Variants in MAPK10 observed in about 807,000 individuals in gnomAD.
The protein encoded by MAPK10 is JNK3 alpha protein kinase.
In MAPK10, 25 loss-of-function variants were observed where a neutral mutation model predicts 59.3. The observed-to-expected ratio is 0.42, with a 90% CI of 0.31 to 0.59. The LOEUF (loss-of-function observed/expected upper bound fraction) is 0.59. Ranked by LOEUF, MAPK10 falls within the 20% of genes least tolerant of loss-of-function variation. The pLI, the probability that MAPK10 is intolerant of heterozygous loss-of-function variation, is 0.15. For missense variants in MAPK10, 351 were observed against 568.9 expected (o/e 0.62, Z 3.90); for synonymous variants, 190 against 200.5 (o/e 0.95, Z 0.44).
intron 2 of MAPK10, among the ~76,000 whole-genome samples, chr4:86,257,858 T>C (rs1171631582): frequency 6.6e-6 from 1 of 152,160 alleles, no homozygotes; most frequent in Non-Finnish European, 1.5e-5. Context: ...TTCTCTTTTC[T>C]ACAACTAATC....
rs947906406 is a variant in MAPK10 at position 86,516,649 on chromosome 4, GTTT to G, written c.-263+77258_-263+77260del. On this transcript the variant is annotated intron_variant, in intron 1 of 4. Coordinates refer to the MAPK10 transcript ENST00000502302. ...GTTTTTTTGTTGTTGTTGTTTGTTT[GTTT>G]TTTGTTTGTTTGTTTGTTTGCAGCT... is the stretch of plus-strand genomic sequence containing the variant. 4.6e-4 allele frequency among the ~76,000 whole-genome samples: 70 copies of G among 151,828 alleles called. 1 individual carries two copies. The highest frequency in any genetic ancestry group is 1.6e-3 in the African/African-American group (67 of 41,422).
intron 1 of MAPK10, among the ~76,000 whole-genome samples, chr4:86,584,136 G>T (rs752950252): frequency 4.6e-5 from 7 of 152,092 alleles, no homozygotes; most frequent in South Asian, 2.1e-4. Flanking sequence ...AACCCAACTG[G>T]TGCTGCTTCA....
intron 1 of MAPK10, among the ~76,000 whole-genome samples, chr4:86,480,049 A>G (rs377235686): frequency 6.6e-6 from 1 of 152,166 alleles, no homozygotes; most frequent in Non-Finnish European, 1.5e-5. Context: ...TCTTACTAAT[A>G]TAAGAAGACA....
At chr4:86,482,815 T>C (rs1753706675) in intron 1 of MAPK10, among the ~76,000 whole-genome samples, 1 of 152,130 alleles carries the variant, frequency 6.6e-6, no homozygotes, top group Admixed American at 6.5e-5. Context: ...TAATGAAAAA[T>C]GAAAGTAAGA....
intron 4 of MAPK10, among the ~76,000 whole-genome samples, chr4:86,121,103 G>A (rs991853630): frequency 2.0e-4 from 30 of 152,162 alleles, no homozygotes; most frequent in African/African-American, 6.5e-4. Flanking sequence ...ATTATTGTAA[G>A]AAGGCTGTGC....
intron 2 of MAPK10, among the ~76,000 whole-genome samples, chr4:86,225,949 T>C (rs2148653514): frequency 6.6e-6 from 1 of 152,340 alleles, no homozygotes; most frequent in South Asian, 2.1e-4. Context: ...TGCACATTCA[T>C]ATACATTTAG....
intron 1 of MAPK10, among the ~76,000 whole-genome samples, chr4:86,492,689 C>T (rs756591627): frequency 5.9e-5 from 9 of 152,142 alleles, no homozygotes; most frequent in Non-Finnish European, 7.3e-5. Context: ...TGCTCAATAA[C>T]GGTATATGTT....
chr4:86,215,772 G>A (rs549230692), intron 2 of MAPK10, among the ~76,000 whole-genome samples: 47 of 152,296 alleles, frequency 3.1e-4, no homozygotes, highest in African/African-American at 1.1e-3. Context: ...TGGGGCAGGA[G>A]AATCGCTTGA....
chr4:86,587,887 C>T (rs187425026), intron 1 of MAPK10, among the ~76,000 whole-genome samples: 77 of 152,284 alleles, frequency 5.1e-4, no homozygotes, highest in African/African-American at 1.7e-3. Flanking sequence ...TGTGGCAATG[C>T]GTGCCTCTAG....
intron 1 of MAPK10, among the ~76,000 whole-genome samples, chr4:86,356,176 G>A (rs1036051575): frequency 3.9e-5 from 6 of 152,132 alleles, no homozygotes; most frequent in Admixed American, 6.6e-5. Flanking sequence ...TGCACACCAT[G>A]CAGGGTTTTA....
At chr4:86,574,586 A>G (rs1761732881) in intron 1 of MAPK10, among the ~76,000 whole-genome samples, 1 of 152,176 alleles carries the variant, frequency 6.6e-6, no homozygotes, top group Non-Finnish European at 1.5e-5. Context: ...TGACTTTTTA[A>G]TGATTGCCAT....
intron 2 of MAPK10, among the ~76,000 whole-genome samples, chr4:86,202,806 T>C (rs17011479): frequency 0.085 from 12,901 of 152,054 alleles, 1,209 homozygotes; most frequent in African/African-American, 0.23. Flanking sequence ...GGCATCCTGA[T>C]CTTTCCTAGT....
intron 4 of MAPK10, among the ~76,000 whole-genome samples, chr4:86,146,966 T>C (rs2065160789): frequency 6.6e-6 from 1 of 152,232 alleles, no homozygotes; most frequent in Non-Finnish European, 1.5e-5. Context: ...TAGCCCAGTG[T>C]CTAATATGAG....
At chr4:86,484,105 A>G (rs1374960291) in intron 1 of MAPK10, among the ~76,000 whole-genome samples, 4 of 152,176 alleles carry the variant, frequency 2.6e-5, no homozygotes, top group Admixed American at 6.6e-5. Context: ...GAGGCTTGGT[A>G]TTCCATGATA....
chr4:86,589,048 CT>C (rs1340474145), intron 1 of MAPK10, among the ~76,000 whole-genome samples: 1 of 151,922 alleles, frequency 6.6e-6, no homozygotes, highest in Non-Finnish European at 1.5e-5. Flanking sequence ...AAAGGGGTCG[CT>C]GCTGCTACCA....
At chr4:86,165,032 T>A (rs925923294) in intron 3 of MAPK10, among the ~76,000 whole-genome samples, 1 of 152,206 alleles carries the variant, frequency 6.6e-6, no homozygotes, top group Non-Finnish European at 1.5e-5. Flanking sequence ...CACTATTAAA[T>A]GTAACATGGG....
intron 2 of MAPK10, among the ~76,000 whole-genome samples, chr4:86,256,710 T>C (rs796384540): frequency 8.7e-5 from 13 of 150,204 alleles, no homozygotes; most frequent in African/African-American, 2.7e-4. Flanking sequence ...TGTATTATAC[T>C]CCATTTTTTT....
In MAPK10 at chr4:86,436,949, A is replaced by C. The variant is rs570636863; in HGVS notation, c.-122+16081T>G. Among the ~76,000 whole-genome samples, 51 of 152,264 alleles carry C rather than the reference A, an allele frequency of 3.3e-4. 1 individual carries two copies. The highest frequency in any genetic ancestry group is 1.2e-3 in the African/African-American group (49 of 41,558). On this transcript the variant is annotated intron_variant, in intron 1 of 13. Coordinates refer to the MAPK10 transcript ENST00000361569. ...GATGTTTGGCCAGGCCTGGTGGCTCATGCCTGTAATCCCAGCACTTTGGGA... is the reference window on the plus strand; with the variant it reads ...GATGTTTGGCCAGGCCTGGTGGCTCCTGCCTGTAATCCCAGCACTTTGGGA...
intron 13 of MAPK10, among the ~76,000 whole-genome samples, chr4:86,022,387 A>G (rs1056327438): frequency 6.6e-6 from 1 of 152,066 alleles, no homozygotes; most frequent in African/African-American, 2.4e-5. Flanking sequence ...AGCCATTAGT[A>G]TATCTTCTTT....
Sources: gnomAD v4.1 joint callset for allele counts (sites outside exome capture counted in the v4.1 genomes callset) on GRCh38, gnomAD v4.1.1 for gene constraint, MANE v1.5 for transcripts, NCBI Gene and HGNC (gene_info 2026-07-23, HGNC 2026-07-21) for gene names.